Variants in IFT172 observed in about 807,000 individuals in gnomAD.
IFT172 encodes the protein intraflagellar transport 172.
A neutral mutation model predicts 248.9 loss-of-function variants in IFT172; 164 were observed. That is an observed-to-expected ratio of 0.66 (90% CI 0.58 to 0.75). The LOEUF (loss-of-function observed/expected upper bound fraction) is 0.75, where lower values mean the gene tolerates loss of function less well. IFT172 is among the 30% of genes least tolerant of loss of function. The probability of loss-of-function intolerance (pLI) is 0.00; values close to 1 mark genes in which losing one functional copy is unlikely to be tolerated. For synonymous variants in IFT172, 729 were observed against 791.6 expected (o/e 0.92, Z 1.33); for missense variants, 1,950 against 2,192.4 (o/e 0.89, Z 2.21).
chr2:27,472,029 C>T (rs1310329847), intron 15 of IFT172: 1 of 566,384 alleles, frequency 1.8e-6, no homozygotes, highest in East Asian at 2.8e-5. Flanking sequence ...CAGAGTGAGA[C>T]ACTGTCTCCA....
At chr2:27,486,643 A>G (rs77163241) in intron 1 of IFT172, among the ~76,000 whole-genome samples, 2,258 of 152,252 alleles carry the variant, frequency 0.015, 38 homozygotes, top group Non-Finnish European at 0.024. Context: ...CACCACCATC[A>G]CTATGATCCT....
rs146290725 is a variant in IFT172, at chr2:27,481,125, G to T, written c.706C>A (p.Arg236Ser). The T allele has an allele frequency of 6.2e-7, 1 of 1,613,844 alleles. No homozygotes were observed. The highest frequency in any genetic ancestry group is 8.5e-7 in the Non-Finnish European group (1 of 1,179,950). ...GTGAACTCCCGCTCCTGAGGGTCAC[G>T]GCTATAATCAAAAGTTTGTAGCATG... ...GHMLQTFDYS[R>S]DPQEREFTTA... Residue 236 changes from arginine to serine, a missense_variant, in exon 8 of 48, where the codon CGT becomes AGT. By Grantham distance (110) the Arg-to-Ser change is moderately radical. This residue lies in a region of IFT172 where 1,166 missense variants were observed against 1,254.1 expected (regional missense o/e 0.93). Coordinates refer to ENST00000260570, the MANE Select transcript of IFT172 (RefSeq NM_015662.3).
At position 27,445,353 on chromosome 2, in the gene IFT172, C is replaced by T. The variant is rs1256025789; in HGVS notation, c.5011G>A (p.Glu1671Lys). ...VLPRDERGAY[E>K]ASLVAASTGV... ...GTGCTCGCTGCCACTAGGGAGGCCT[C>T]GTAGGCGCCACGCTCATCCCGAGGC... is the stretch of plus-strand genomic sequence containing the variant. The change falls in exon 46 of 48, where the codon GAG becomes AAG. Residue 1671 changes from glutamate (E) to lysine (K), a missense_variant. By Grantham distance (56) the Glu-to-Lys change is moderately conservative. Around this residue, in one of 3 missense-constraint regions of IFT172, gnomAD observed 620 missense variants for 699.0 expected, o/e 0.89. Transcript: ENST00000260570. The surrounding 1 kb of genome is among the most constrained non-coding windows in gnomAD (Gnocchi z 4.4). 12 of 1,613,280 alleles carry T rather than the reference C, an allele frequency of 7.4e-6. No individual in the cohort carries two copies. Among genetic ancestry groups the T allele is most frequent in the South Asian group, 3.3e-5 (3 of 90,974 alleles).
chr2:27,446,626 G>T (rs967170501), intron 42 of IFT172: 17 of 308,732 alleles, frequency 5.5e-5, no homozygotes, highest in African/African-American at 3.8e-4. Context: ...TAATTCTCGT[G>T]CCTCAGCCTC....
At position 27,470,833 on chromosome 2, in the gene IFT172, G is replaced by A. The variant is rs149584901; in HGVS notation, c.1692+95C>T. On this transcript the variant is annotated intron_variant, in intron 16 of 47. Coordinates refer to ENST00000260570, the MANE Select transcript of IFT172 (RefSeq NM_015662.3). ...AATTCTATCACAGAGATTAAGGGTG[G>A]TGGACACAGAAAACCAAGTAGCCTT... 3.9e-4 allele frequency: 474 copies of A among 1,221,428 alleles called. No individual in the cohort carries two copies. The African/African-American group carries it at 6.2e-3, about 16-fold the overall frequency. The allele number at this position is 1,221,428 out of a possible 1,614,324, so 75.7% of individuals were successfully genotyped here.
Position 27,472,523 on chromosome 2 carries a change from C to G in IFT172, c.1412-161G>C, listed in dbSNP as rs144893559. Reference sequence around the variant, plus strand: ...TGTTAACTCAAAAGGTCCAGACCCACAGAAATGTCATCACTCTCTGGGGCT... The same window carrying G: ...TGTTAACTCAAAAGGTCCAGACCCAGAGAAATGTCATCACTCTCTGGGGCT... On this transcript the variant is annotated intron_variant, in intron 14 of 47. Coordinates refer to ENST00000260570, the MANE Select transcript of IFT172 (RefSeq NM_015662.3). Among the ~76,000 whole-genome samples the G allele has an allele frequency of 4.1e-3, 628 of 152,322 alleles. 4 individuals are homozygous for G. Among genetic ancestry groups the G allele is most frequent in the African/African-American group, 0.015 (606 of 41,564 alleles).
At chr2:27,450,136 C>G (rs1665529157) in intron 35 of IFT172, 40 bp from the exon 36 acceptor site, 1 of 1,448,206 alleles carries the variant, frequency 6.9e-7, no homozygotes, top group South Asian at 1.1e-5. Flanking sequence ...GTAGGAGAGA[C>G]AAATACCGCT....
intron 30 of IFT172, chr2:27,455,869 AATACATATT>A: frequency 2.4e-6 from 1 of 422,786 alleles, no homozygotes; most frequent in South Asian, 1.9e-5. Context: ...CTAGAGATGT[AATACATATT>A]TACAAATAAA....
intron 42 of IFT172, among the ~76,000 whole-genome samples, chr2:27,447,044 C>T (rs11687217): frequency 6.7e-6 from 1 of 150,276 alleles, no homozygotes; most frequent in South Asian, 2.1e-4. Context: ...GGTTTCACCA[C>T]GTTGGCCAGG....
chr2:27,485,050 G>A lies in IFT172; in HGVS notation c.264C>T (p.Asn88=), dbSNP rs1291353827. ...CTCCAATCTTGTAGACATAGATGATGTTGTCAGTCTGTCCTATGGCAATTT... is the reference window on the plus strand; with the variant it reads ...CTCCAATCTTGTAGACATAGATGATATTGTCAGTCTGTCCTATGGCAATTT... ...STKIAIGQTD[N]IIYVYKIGED... Residue 88 remains asparagine (N), a synonymous_variant, in exon 3 of 48, where the codon AAC becomes AAT. Coordinates refer to ENST00000260570, the MANE Select transcript of IFT172 (RefSeq NM_015662.3). 5 of 1,600,888 alleles carry A rather than the reference G, an allele frequency of 3.1e-6. No individual in the cohort carries two copies. The African/African-American group carries it at 6.7e-5, about 21-fold the overall frequency.
At chr2:27,456,736 G>C in intron 29 of IFT172, 83 bp from the exon 30 acceptor site, 1 of 1,544,256 alleles carries the variant, frequency 6.5e-7, no homozygotes, top group Admixed American at 1.9e-5. Flanking sequence ...CAAGGATCCA[G>C]TAACTGTTCT....
chr2:27,482,398 T>C (rs749175910), intron 7 of IFT172, among the ~76,000 whole-genome samples: 10 of 152,178 alleles, frequency 6.6e-5, no homozygotes, highest in Non-Finnish European at 1.3e-4. Context: ...GTTCAAGCGA[T>C]TCTCCTGCCT....
In IFT172 at chr2:27,470,980, C is replaced by T. The variant is rs1667522050; in HGVS notation, c.1640G>A (p.Cys547Tyr). 6.2e-7 allele frequency: 1 copy of T among 1,613,886 alleles called. No individual in the cohort carries two copies. Among genetic ancestry groups the T allele is most frequent in the South Asian group, 1.1e-5 (1 of 91,034 alleles). ...AGGTGCCTCAATGTTGTACCATACA[C>T]ACAGACTGTTTCGGTTCTGAGCTAC... ...VLVAQNRNSL[C>Y]VWYNIEAPER... is the part of the protein sequence containing the mutation. The change falls in exon 16 of 48, where the codon TGT becomes TAT. Residue 547 changes from cysteine (C) to tyrosine (Y), a missense_variant. By Grantham distance (194) the Cys-to-Tyr change is radical (BLOSUM62 -2). Coordinates refer to ENST00000260570, the MANE Select transcript of IFT172 (RefSeq NM_015662.3).
In IFT172 at chr2:27,477,862, C is replaced by G. The variant is rs943313149; in HGVS notation, c.1167+133G>C. On this transcript the variant is annotated intron_variant, in intron 11 of 47. Coordinates refer to ENST00000260570, the MANE Select transcript of IFT172 (RefSeq NM_015662.3). The stretch of plus-strand genomic sequence containing the variant: ...GATTATAAAACTCCTGGGTCTCCTT[C>G]CCTGAAACCAGGTCCCCTACACCAG... 4 of 1,141,554 alleles carry G rather than the reference C, an allele frequency of 3.5e-6. No individual in the cohort carries two copies. In the African/African-American group the frequency reaches 6.2e-5, roughly 18 times the overall value. The allele number at this position is 1,141,554 out of a possible 1,614,324, so 70.7% of individuals were successfully genotyped here. A position where few individuals can be genotyped will look rare whatever the true frequency, so the allele number is the denominator to read the frequency against.
chr2:27,461,525 T>C lies in IFT172; in HGVS notation c.2194-8A>G, dbSNP rs371944808. On this transcript the variant is annotated splice_polypyrimidine_tract_variant and splice_region_variant and intron_variant, in intron 21 of 47. Coordinates refer to ENST00000260570, the MANE Select transcript of IFT172 (RefSeq NM_015662.3). ...CTCCAGGGCTGGGTGCCCCTGGACA[T>C]GCACAGAGGACAACTAGGAGTCACA... is the stretch of plus-strand genomic sequence containing the variant. 6.2e-7 allele frequency: 1 copy of C among 1,613,038 alleles called. No individual in the cohort carries two copies. The highest frequency in any genetic ancestry group is 1.3e-5 in the African/African-American group (1 of 74,996).
At chr2:27,446,633 C>CCT (rs1463159685) in intron 42 of IFT172, among the ~76,000 whole-genome samples, 2 of 151,466 alleles carry the variant, frequency 1.3e-5, no homozygotes, top group African/African-American at 4.9e-5. Context: ...CGTGCCTCAG[C>CCT]CTCCTGAGTA....
In IFT172 at chr2:27,459,437, T is replaced by C. The variant is rs1307237642; in HGVS notation, c.2728A>G (p.Thr910Ala). 3.7e-6 allele frequency: 6 copies of C among 1,614,112 alleles called. No individual in the cohort carries two copies. Among genetic ancestry groups the C allele is most frequent in the Admixed American group, 1.7e-5 (1 of 60,008 alleles). The change falls in exon 25 of 48, where the codon ACT becomes GCT. Residue 910 changes from threonine (T) to alanine (A), a missense_variant. Physicochemically the swap from Thr to Ala is moderately conservative, Grantham distance 58. This residue lies in a region of IFT172 where 1,166 missense variants were observed against 1,254.1 expected (regional missense o/e 0.93). Coordinates refer to ENST00000260570, the MANE Select transcript of IFT172 (RefSeq NM_015662.3). ...ACGAGAGGATAGTATTTGGATGCAG[T>C]GTTCCGGTCCTGTAGATCTAATATA... Reference protein sequence around the residue: ...IYILDLQDRNTASKYYPLVAQ... With the variant: ...IYILDLQDRNAASKYYPLVAQ...
At chr2:27,467,418 GA>G (rs34115935) in intron 16 of IFT172, among the ~76,000 whole-genome samples, 192 of 16,428 alleles carry the variant, frequency 0.012, 1 homozygote, top group African/African-American at 0.014. Flanking sequence ...ACAGAAAATT[GA>G]AAAAAAAAAA....
chr2:27,466,565 A>G (rs777341970), intron 16 of IFT172, among the ~76,000 whole-genome samples: 4 of 152,194 alleles, frequency 2.6e-5, no homozygotes, highest in Non-Finnish European at 5.9e-5. Flanking sequence ...GAACATATCC[A>G]TTTTAAGCCC....
Sources: allele counts gnomAD v4.1 joint callset (sites outside exome capture counted in the v4.1 genomes callset), GRCh38; gene constraint gnomAD v4.1.1; regional missense constraint gnomAD v4.1.1; non-coding constraint Gnocchi (gnomAD v3.1); transcripts MANE v1.5; gene names NCBI Gene and HGNC (gene_info 2026-07-23, HGNC 2026-07-21).